Variants in CELF4 observed in about 807,000 individuals in gnomAD.
CELF4 encodes CUG-BP- and ETR-3-like factor 4.
A neutral mutation model predicts 59.9 loss-of-function variants in CELF4; 18 were observed. That is an observed-to-expected ratio of 0.30 (90% confidence interval 0.21 to 0.45). CELF4 has a LOEUF of 0.45. Among genes scored for constraint, CELF4 ranks in the 20% least tolerant of loss-of-function variants. The probability of loss-of-function intolerance (pLI) is 1.00; values close to 1 mark genes in which losing one functional copy is unlikely to be tolerated. For missense variants in CELF4, 456 were observed against 689.0 expected (o/e 0.66, Z 3.79); for synonymous variants, 261 against 267.1 (o/e 0.98, Z 0.22).
intron 3 of CELF4, among the ~76,000 whole-genome samples, chr18:37,278,411 C>T (rs1218281361): frequency 6.6e-6 from 1 of 152,204 alleles, no homozygotes; most frequent in Non-Finnish European, 1.5e-5. Flanking sequence ...GGTATTGTGG[C>T]TTGTGCGAGT....
intron 2 of CELF4, among the ~76,000 whole-genome samples, chr18:37,345,870 T>A (rs572726835): frequency 2.6e-5 from 4 of 152,234 alleles, no homozygotes; most frequent in African/African-American, 9.6e-5. Context: ...ACCACCCACC[T>A]ACCCACCCTC....
At chr18:37,553,170 C>T (rs1394976226) in intron 1 of CELF4, among the ~76,000 whole-genome samples, 4 of 152,134 alleles carry the variant, frequency 2.6e-5, no homozygotes, top group Non-Finnish European at 4.4e-5. Flanking sequence ...GATGAAGGTC[C>T]TGTTTTTCAA....
intron 2 of CELF4, among the ~76,000 whole-genome samples, chr18:37,357,456 C>T (rs1024887011): frequency 5.3e-5 from 8 of 152,308 alleles, no homozygotes; most frequent in Admixed American, 1.3e-4. Flanking sequence ...TGTATGGAAA[C>T]GCGTGGATGC....
At chr18:37,409,724 G>A (rs2099418739) in intron 2 of CELF4, among the ~76,000 whole-genome samples, 2 of 152,108 alleles carry the variant, frequency 1.3e-5, no homozygotes, top group African/African-American at 4.8e-5. Flanking sequence ...GACATGGTAG[G>A]GAGGGGACAG....
chr18:37,531,717 C>T (rs973169487), intron 1 of CELF4, among the ~76,000 whole-genome samples: 8 of 152,186 alleles, frequency 5.3e-5, no homozygotes, highest in Non-Finnish European at 7.4e-5. Flanking sequence ...GAAGTGGCAC[C>T]GTCCTGTGCT....
At chr18:37,331,789 G>C (rs1172052893) in intron 2 of CELF4, among the ~76,000 whole-genome samples, 1 of 152,130 alleles carries the variant, frequency 6.6e-6, no homozygotes, top group African/African-American at 2.4e-5. Context: ...ACCTGGAGGA[G>C]AGTGGAGGGA....
At position 37,443,487 on chromosome 18, in the gene CELF4, A is replaced by C. The variant is rs188722065; in HGVS notation, c.369+42038T>G. Among the ~76,000 whole-genome samples, 516 of 152,134 alleles carry C rather than the reference A, an allele frequency of 3.4e-3. 4 individuals carry two copies. Among genetic ancestry groups the C allele is most frequent in the Non-Finnish European group, 6.1e-3 (417 of 68,000 alleles). On this transcript the variant is annotated intron_variant, in intron 2 of 12. Coordinates refer to ENST00000420428, the MANE Select transcript of CELF4 (RefSeq NM_020180.4). ...GGTTTGAGAGAGCTCCCCACCACCG[A>C]AGTGTGTGCATGTGCCGAAGTGTTT...
At chr18:37,476,082 C>T (rs573885703) in intron 2 of CELF4, among the ~76,000 whole-genome samples, 7 of 152,252 alleles carry the variant, frequency 4.6e-5, no homozygotes, top group East Asian at 1.9e-4. Context: ...CATCCCCACT[C>T]GCATCATTGT....
chr18:37,345,337 G>A (rs1275523832), intron 2 of CELF4, among the ~76,000 whole-genome samples: 1 of 152,188 alleles, frequency 6.6e-6, no homozygotes, highest in African/African-American at 2.4e-5. Flanking sequence ...GGAGGAGTGG[G>A]AGAGAGACGA....
At chr18:37,252,271 C>T (rs963613963) in intron 12 of CELF4, among the ~76,000 whole-genome samples, 4 of 152,174 alleles carry the variant, frequency 2.6e-5, no homozygotes, top group African/African-American at 9.7e-5. Context: ...TCCTTGGCTC[C>T]TCTTTCAAAA....
chr18:37,386,254 T>C (rs1344219712), intron 2 of CELF4, among the ~76,000 whole-genome samples: 2 of 152,152 alleles, frequency 1.3e-5, no homozygotes, highest in East Asian at 1.9e-4. Context: ...AAATAAACAG[T>C]GTTCTGGAAG....
chr18:37,543,077 A>G (rs781166299), intron 1 of CELF4, among the ~76,000 whole-genome samples: 1 of 151,926 alleles, frequency 6.6e-6, no homozygotes. Flanking sequence ...AACCCCTCAA[A>G]TCTTCCCATG....
At chr18:37,299,189 C>T (rs2095850994) in intron 3 of CELF4, among the ~76,000 whole-genome samples, 1 of 152,204 alleles carries the variant, frequency 6.6e-6, no homozygotes, top group Non-Finnish European at 1.5e-5. Flanking sequence ...GGGCACTAAA[C>T]AGAGGCAGAC....
At chr18:37,289,551 C>A (rs2095161407) in intron 3 of CELF4, among the ~76,000 whole-genome samples, 1 of 152,006 alleles carries the variant, frequency 6.6e-6, no homozygotes, top group Non-Finnish European at 1.5e-5. Flanking sequence ...GCTCGTCCCC[C>A]CACCTCCCTT....
At chr18:37,398,736 G>C (rs781408281) in intron 2 of CELF4, among the ~76,000 whole-genome samples, 2 of 152,170 alleles carry the variant, frequency 1.3e-5, no homozygotes, top group Admixed American at 6.5e-5. Flanking sequence ...GGGTTCCGGA[G>C]AGTGGTGGAG....
intron 3 of CELF4, among the ~76,000 whole-genome samples, chr18:37,279,529 G>A (rs1359627771): frequency 3.3e-5 from 5 of 152,230 alleles, no homozygotes; most frequent in African/African-American, 1.2e-4. Flanking sequence ...GAGCAAGCAT[G>A]TTCTACAGTC....
At chr18:37,517,178 G>T (rs1248411486) in intron 1 of CELF4, among the ~76,000 whole-genome samples, 1 of 152,198 alleles carries the variant, frequency 6.6e-6, no homozygotes, top group Non-Finnish European at 1.5e-5. Context: ...GGAAGACAGG[G>T]CTGGCTGAGT....
intron 2 of CELF4, among the ~76,000 whole-genome samples, chr18:37,421,596 T>G (rs1422633935): frequency 6.6e-6 from 1 of 152,262 alleles, no homozygotes; most frequent in Non-Finnish European, 1.5e-5. Context: ...ACCTGCTGCC[T>G]GCTGCCATGG....
At chr18:37,380,276 C>T (rs1394601244) in intron 2 of CELF4, among the ~76,000 whole-genome samples, 3 of 152,146 alleles carry the variant, frequency 2.0e-5, no homozygotes, top group African/African-American at 7.2e-5. Flanking sequence ...GTCACTGTCC[C>T]TCTGGGGAAA....
Sources: gnomAD v4.1 joint callset for allele counts (sites outside exome capture counted in the v4.1 genomes callset) on GRCh38, gnomAD v4.1.1 for gene constraint, MANE v1.5 for transcripts, NCBI Gene and HGNC (gene_info 2026-07-23, HGNC 2026-07-21) for gene names.